The following TSPAN5 variants were observed in gnomAD, a reference collection of about 807,000 sequenced individuals.
TSPAN5 encodes the protein tetraspanin 5.
Under a neutral mutation model 37.1 loss-of-function variants are expected in TSPAN5, and 10 were observed. The observed-to-expected ratio is 0.27, with a 90% CI of 0.17 to 0.46. TSPAN5 has a LOEUF of 0.46. TSPAN5 is among the 20% of genes least tolerant of loss of function. The pLI, the probability that TSPAN5 is intolerant of heterozygous loss-of-function variation, is 1.00. For synonymous variants in TSPAN5, 110 were observed against 118.9 expected, an observed-to-expected ratio of 0.93 and a Z score of 0.48; for missense variants, 195 against 326.6, an observed-to-expected ratio of 0.60 and a Z score of 3.11.
intron 1 of TSPAN5, among the ~76,000 whole-genome samples, chr4:98,527,804 A>G (rs1753993257): frequency 6.6e-6 from 1 of 152,346 alleles, no homozygotes; most frequent in Admixed American, 6.5e-5. Flanking sequence ...CACTAGAGGC[A>G]GCTGAGAGAA....
At chr4:98,651,190 C>T (rs926019958) in intron 1 of TSPAN5, among the ~76,000 whole-genome samples, 1 of 152,136 alleles carries the variant, frequency 6.6e-6, no homozygotes, top group Non-Finnish European at 1.5e-5. Flanking sequence ...GAACGCAGCA[C>T]CATTTCTGTA....
chr4:98,567,217 A>G (rs929643898), intron 1 of TSPAN5, among the ~76,000 whole-genome samples: 1 of 152,168 alleles, frequency 6.6e-6, no homozygotes, highest in African/African-American at 2.4e-5. Context: ...CCTGCCCTCA[A>G]AGGGTTTATT....
intron 1 of TSPAN5, chr4:98,657,737 A>C (rs1757321440): frequency 3.9e-6 from 1 of 255,974 alleles, no homozygotes; most frequent in African/African-American, 2.3e-5. Flanking sequence ...TAGAAGGTGG[A>C]CCTCAGGGTC....
chr4:98,483,458 G>A (rs1289880446), intron 3 of TSPAN5: 5 of 152,240 alleles, frequency 3.3e-5, no homozygotes, highest in Non-Finnish European at 5.9e-5. Context: ...TGAGGTAGGT[G>A]GGCTTTGCAG....
intron 1 of TSPAN5, among the ~76,000 whole-genome samples, chr4:98,539,150 A>T (rs1338280213): frequency 1.3e-5 from 2 of 151,974 alleles, no homozygotes; most frequent in African/African-American, 2.4e-5. Flanking sequence ...ACCAAAAAAA[A>T]AAAAAACCAA....
At chr4:98,475,350 C>T (rs938876781) in intron 7 of TSPAN5, among the ~76,000 whole-genome samples, 2 of 152,168 alleles carry the variant, frequency 1.3e-5, no homozygotes, top group Non-Finnish European at 2.9e-5. Flanking sequence ...CAACTATGTG[C>T]TCTTTGGAAA....
chr4:98,610,891 T>C (rs1756172566), intron 1 of TSPAN5, among the ~76,000 whole-genome samples: 1 of 152,124 alleles, frequency 6.6e-6, no homozygotes, highest in Non-Finnish European at 1.5e-5. Context: ...GGCATGTGAT[T>C]CCCCCTGACC....
chr4:98,657,175 G>T (rs1020858470), intron 1 of TSPAN5, among the ~76,000 whole-genome samples: 1 of 152,148 alleles, frequency 6.6e-6, no homozygotes, highest in Non-Finnish European at 1.5e-5. Flanking sequence ...TCTGGCTGCT[G>T]AACACGTTTG....
At chr4:98,613,211 T>C (rs1468806425) in intron 1 of TSPAN5, among the ~76,000 whole-genome samples, 1 of 151,932 alleles carries the variant, frequency 6.6e-6, no homozygotes, top group Non-Finnish European at 1.5e-5. Context: ...TAACTTGACA[T>C]TTTCCTAGCA....
intron 1 of TSPAN5, among the ~76,000 whole-genome samples, chr4:98,516,374 G>A (rs1753729087): frequency 6.6e-6 from 1 of 152,196 alleles, no homozygotes; most frequent in African/African-American, 2.4e-5. Context: ...TAGACTGGGG[G>A]ATATTATGTA....
chr4:98,569,038 G>C (rs1175040258), intron 1 of TSPAN5, among the ~76,000 whole-genome samples: 1 of 152,178 alleles, frequency 6.6e-6, no homozygotes, highest in Non-Finnish European at 1.5e-5. Context: ...ACTCACTTGG[G>C]GTATTCCCAC....
intron 1 of TSPAN5, among the ~76,000 whole-genome samples, chr4:98,648,663 C>G (rs1463300035): frequency 6.6e-6 from 1 of 152,152 alleles, no homozygotes; most frequent in East Asian, 1.9e-4. Flanking sequence ...AATAGGCCAC[C>G]TTTTTTTTCT....
intron 1 of TSPAN5, among the ~76,000 whole-genome samples, chr4:98,562,385 G>A (rs944593128): frequency 9.2e-5 from 14 of 152,204 alleles, no homozygotes; most frequent in South Asian, 2.1e-4. Context: ...ATCACAGGCC[G>A]GGTGCGGTGG....
intron 1 of TSPAN5, among the ~76,000 whole-genome samples, chr4:98,543,750 AT>A (rs1391668105): frequency 1.3e-5 from 2 of 151,882 alleles, no homozygotes; most frequent in Non-Finnish European, 2.9e-5. Context: ...TCTTTAGGGA[AT>A]TTTCTAATTT....
At chr4:98,635,655 A>G (rs1003285071) in intron 1 of TSPAN5, among the ~76,000 whole-genome samples, 10 of 152,220 alleles carry the variant, frequency 6.6e-5, no homozygotes, top group African/African-American at 2.2e-4. Context: ...CGGGGGAAAA[A>G]AAGAGACTAC....
chr4:98,490,565 C>G (rs1457091747), intron 2 of TSPAN5, among the ~76,000 whole-genome samples: 2 of 152,196 alleles, frequency 1.3e-5, no homozygotes, highest in Non-Finnish European at 2.9e-5. Context: ...ACAGATACTA[C>G]AGCGTGCTGG....
intron 1 of TSPAN5, among the ~76,000 whole-genome samples, chr4:98,536,522 C>T (rs1210086280): frequency 1.3e-5 from 2 of 152,228 alleles, no homozygotes; most frequent in Admixed American, 6.5e-5. Context: ...AGAGCTCAAA[C>T]ACTGTGCTGG....
chr4:98,518,094 C>CTTT (rs535091902), intron 1 of TSPAN5, among the ~76,000 whole-genome samples: 2 of 132,706 alleles, frequency 1.5e-5, no homozygotes, highest in African/African-American at 2.7e-5. Context: ...AACATCTTGA[C>CTTT]TTTTTTTTTT....
intron 1 of TSPAN5, among the ~76,000 whole-genome samples, chr4:98,528,244 A>T (rs916926000): frequency 2.6e-5 from 4 of 152,226 alleles, no homozygotes; most frequent in Non-Finnish European, 4.4e-5. Flanking sequence ...AAAAGAAAAA[A>T]GTCATAGATC....
Sources: allele counts gnomAD v4.1 joint callset (sites outside exome capture counted in the v4.1 genomes callset), GRCh38; gene constraint gnomAD v4.1.1; transcripts MANE v1.5; gene names NCBI Gene and HGNC (gene_info 2026-07-23, HGNC 2026-07-21).